The following NLGN4X variants were observed in gnomAD, a reference collection of about 807,000 sequenced individuals.
NLGN4X encodes neuroligin-4, X-linked.
In NLGN4X, 3 loss-of-function variants were observed where a neutral mutation model predicts 40.3. The ratio of observed to expected loss-of-function variants is 0.07; its 90% CI spans 0.03 to 0.19. The LOEUF (loss-of-function observed/expected upper bound fraction) is 0.19. NLGN4X is among the 10% of genes least tolerant of loss of function. The pLI is 1.00. For synonymous variants in NLGN4X, 270 were observed against 306.8 expected, an observed-to-expected ratio of 0.88 and a Z score of 1.25; for missense variants, 382 against 708.3, an observed-to-expected ratio of 0.54 and a Z score of 5.23.
chrX:5,949,151 G>A (rs1290690034), intron 3 of NLGN4X, among the ~76,000 whole-genome samples: 2 of 111,904 alleles, frequency 1.8e-5, no homozygotes, highest in Admixed American at 1.9e-4. Flanking sequence ...TATTCAAGAA[G>A]ACAGTCACTG....
chrX:5,985,633 G>C lies in NLGN4X; in HGVS notation c.625+43647C>G, dbSNP rs1040148215. 7.2e-5 allele frequency among the ~76,000 whole-genome samples: 8 copies of C among 111,001 alleles called. No homozygotes were observed. The Admixed American group carries it at 7.7e-4, about 11-fold the overall frequency. ...CAATTCAAGCAAGATGTAGAAGTGG[G>C]ATATTAGTAGCACAATTTAGGATAG... On this transcript the variant is annotated intron_variant, in intron 3 of 5. Coordinates refer to ENST00000381095, the MANE Select transcript of NLGN4X (RefSeq NM_181332.3).
intron 3 of NLGN4X, among the ~76,000 whole-genome samples, chrX:6,021,087 T>C (rs2036541022): frequency 8.2e-5 from 4 of 48,885 alleles, no homozygotes; most frequent in Non-Finnish European, 1.4e-4. Context: ...CCTCTCTCTC[T>C]CTCTCCCCCT....
chrX:6,110,047 C>T (rs1208984692), intron 2 of NLGN4X, among the ~76,000 whole-genome samples: 1 of 111,466 alleles, frequency 9.0e-6, no homozygotes, highest in East Asian at 2.8e-4. Context: ...GGTTTCACTC[C>T]CTCCAAAGCA....
At chrX:6,057,921 C>T (rs1352243830) in intron 2 of NLGN4X, among the ~76,000 whole-genome samples, 1 of 111,528 alleles carries the variant, frequency 9.0e-6, no homozygotes, top group African/African-American at 3.3e-5. Flanking sequence ...AAAGTTTATA[C>T]CTAAAAATAT....
chrX:5,977,068 G>T (rs142083228), intron 3 of NLGN4X, among the ~76,000 whole-genome samples: 1,709 of 112,515 alleles, frequency 0.015, 28 homozygotes, highest in African/African-American at 0.053. Flanking sequence ...TTCATGTAAG[G>T]AAGCTGAACT....
At chrX:6,220,734 CTTTTTT>C (rs774553248) in intron 1 of NLGN4X, among the ~76,000 whole-genome samples, 2 of 66,752 alleles carry the variant, frequency 3.0e-5, no homozygotes, top group Non-Finnish European at 2.5e-5. Flanking sequence ...TTATAACTTT[CTTTTTT>C]TTTTTTTTTT....
chrX:5,985,653 G>A (rs1395970296), intron 3 of NLGN4X, among the ~76,000 whole-genome samples: 1 of 111,143 alleles, frequency 9.0e-6, no homozygotes, highest in Non-Finnish European at 1.9e-5. Context: ...GCACAATTTA[G>A]GATAGAAGAC....
intron 1 of NLGN4X, among the ~76,000 whole-genome samples, chrX:6,226,023 C>T (rs1926263956): frequency 9.4e-6 from 1 of 106,280 alleles, no homozygotes; most frequent in Admixed American, 1.0e-4. Flanking sequence ...CAACCCCCAC[C>T]CCAAATTTCT....
At chrX:6,057,799 A>G (rs1426365232) in intron 2 of NLGN4X, among the ~76,000 whole-genome samples, 1 of 111,923 alleles carries the variant, frequency 8.9e-6, no homozygotes, top group African/African-American at 3.2e-5. Flanking sequence ...TAGACCATAA[A>G]AAAGAAGCCC....
intron 1 of NLGN4X, among the ~76,000 whole-genome samples, chrX:6,158,283 T>C (rs1256492685): frequency 9.0e-6 from 1 of 111,604 alleles, no homozygotes; most frequent in Non-Finnish European, 1.9e-5. Context: ...AGACATCTTA[T>C]GGTGCTCCTA....
chrX:6,195,345 G>A (rs1271008026), intron 1 of NLGN4X, among the ~76,000 whole-genome samples: 3 of 112,142 alleles, frequency 2.7e-5, no homozygotes, highest in Non-Finnish European at 5.6e-5. Flanking sequence ...AACTCAAGCT[G>A]GGTGGCTTGG....
intron 3 of NLGN4X, among the ~76,000 whole-genome samples, chrX:5,927,124 G>A (rs760894842): frequency 9.0e-6 from 1 of 111,574 alleles, no homozygotes; most frequent in East Asian, 2.8e-4. Flanking sequence ...CTTTGATACT[G>A]TAAATTTATA....
intron 1 of NLGN4X, among the ~76,000 whole-genome samples, chrX:6,174,724 A>G (rs1467808720): frequency 2.7e-5 from 3 of 111,928 alleles, no homozygotes; most frequent in South Asian, 3.7e-4. Flanking sequence ...GTTCTCACTT[A>G]TAAGTGGGAG....
chrX:5,974,204 A>G (rs1242441796), intron 3 of NLGN4X, among the ~76,000 whole-genome samples: 1 of 112,225 alleles, frequency 8.9e-6, no homozygotes, highest in African/African-American at 3.2e-5. Context: ...GCCTTTTGTT[A>G]TATTGGATTT....
chrX:6,041,663 G>T (rs936322148), intron 2 of NLGN4X, among the ~76,000 whole-genome samples: 9 of 112,343 alleles, frequency 8.0e-5, no homozygotes, highest in Non-Finnish European at 1.3e-4. Context: ...GTTAAATAAG[G>T]TCTCCCTGTT....
intron 3 of NLGN4X, among the ~76,000 whole-genome samples, chrX:5,992,074 G>T (rs148060705): frequency 0.069 from 7,627 of 110,893 alleles, 644 homozygotes; most frequent in African/African-American, 0.24. Flanking sequence ...ACTCCTGGAG[G>T]GTTTACTCTT....
chrX:5,927,852 CTCTTT>C (rs2033392622), intron 3 of NLGN4X, among the ~76,000 whole-genome samples: 2 of 112,529 alleles, frequency 1.8e-5, no homozygotes. Context: ...TCAAACTCGT[CTCTTT>C]TCTTATTTCC....
chrX:6,204,113 A>G (rs778215568), intron 1 of NLGN4X, among the ~76,000 whole-genome samples: 24 of 112,565 alleles, frequency 2.1e-4, no homozygotes, highest in Non-Finnish European at 3.9e-4. Context: ...ATGTCAGTAC[A>G]TAGTTATCAA....
At chrX:6,179,152 T>A (rs771639320) in intron 1 of NLGN4X, among the ~76,000 whole-genome samples, 1 of 44,304 alleles carries the variant, frequency 2.3e-5, no homozygotes, top group East Asian at 4.9e-4. Flanking sequence ...ATTGACCTTT[T>A]TTGGTAGGGG....
Sources: gnomAD v4.1 joint callset for allele counts (sites outside exome capture counted in the v4.1 genomes callset) on GRCh38, gnomAD v4.1.1 for gene constraint, MANE v1.5 for transcripts, NCBI Gene and HGNC (gene_info 2026-07-23, HGNC 2026-07-21) for gene names.